Variants in SERAC1 observed in about 807,000 individuals in gnomAD.
SERAC1 encodes the protein protein SERAC1.
Under a neutral mutation model 85.7 loss-of-function variants are expected in SERAC1, and 36 were observed. The ratio of observed to expected loss-of-function variants is 0.42; its 90% CI spans 0.32 to 0.55. The LOEUF is 0.55. SERAC1 is among the 20% of genes least tolerant of loss of function. The pLI is 0.11. For synonymous variants in SERAC1, 242 were observed against 265.3 expected (o/e 0.91, Z 0.85); for missense variants, 629 against 796.2 (o/e 0.79, Z 2.53).
At chr6:158,123,270 A>G (rs1784461704) in intron 10 of SERAC1, among the ~76,000 whole-genome samples, 5 of 152,220 alleles carry the variant, frequency 3.3e-5, no homozygotes, top group Admixed American at 3.3e-4. Context: ...CAGAGGGTCC[A>G]GCTATGAGGC....
chr6:158,143,047 T>C lies in SERAC1; in HGVS notation c.738+9A>G, dbSNP rs750046601. 2.5e-6 allele frequency: 4 copies of C among 1,602,536 alleles called. No individual in the cohort carries two copies. Among genetic ancestry groups the C allele is most frequent in the Admixed American group, 1.7e-5 (1 of 58,036 alleles). The stretch of plus-strand genomic sequence containing the variant: ...CAAAAATATTTACTGAATGAATACA[T>C]GAACTAACCTTCTGAGCAGCTAGAC... On this transcript the variant is annotated intron_variant, in intron 8 of 16. Transcript: ENST00000647468.
At chr6:158,124,199 G>A (rs1784484229) in intron 10 of SERAC1, among the ~76,000 whole-genome samples, 1 of 151,956 alleles carries the variant, frequency 6.6e-6, no homozygotes, top group African/African-American at 2.4e-5. Context: ...GTCCTGCTTT[G>A]AATCCCTTAG....
intron 15 of SERAC1, among the ~76,000 whole-genome samples, chr6:158,113,917 C>T (rs576042843): frequency 5.6e-4 from 86 of 152,224 alleles, no homozygotes; most frequent in Admixed American, 1.8e-3. Context: ...CAAAGCCCAG[C>T]CTCCCACCAA....
chr6:158,162,740 G>A (rs1397024643), intron 1 of SERAC1, among the ~76,000 whole-genome samples: 3 of 152,056 alleles, frequency 2.0e-5, no homozygotes, highest in Non-Finnish European at 4.4e-5. Context: ...TCCATCCACT[G>A]AGTATTTCAA....
rs1257570804 is a variant in SERAC1, at chr6:158,120,068, T to C, written c.1166+357A>G. Among the ~76,000 whole-genome samples, 2 of 152,192 alleles carry C rather than the reference T, an allele frequency of 1.3e-5. No homozygotes were observed. Among genetic ancestry groups the C allele is most frequent in the Non-Finnish European group, 2.9e-5 (2 of 68,040 alleles). ...AAGACAATGTCTTATCTCCTTCCTA[T>C]TCAGCTGACTTCTACAATCCAAATC... On this transcript the variant is annotated intron_variant, in intron 11 of 16. Coordinates refer to ENST00000647468, the MANE Select transcript of SERAC1 (RefSeq NM_032861.4). This position sits in a 1 kb window ranked among gnomAD's most constrained non-coding sequence, Gnocchi z 4.4.
intron 8 of SERAC1, among the ~76,000 whole-genome samples, chr6:158,134,398 A>G (rs929954817): frequency 2.0e-5 from 3 of 152,198 alleles, no homozygotes; most frequent in Non-Finnish European, 4.4e-5. Context: ...AGAACAGGGA[A>G]AGTCTAAGAT....
rs1406084268 is a variant in SERAC1 at position 158,120,517 on chromosome 6, G to A, written c.1074C>T (p.His358=). 6.8e-6 allele frequency: 11 copies of A among 1,613,990 alleles called. No homozygotes were observed. Among genetic ancestry groups the A allele is most frequent in the Admixed American group, 1.7e-5 (1 of 59,984 alleles). ...CTAGATTTGCCAGGATTCTGGCAGC[G>A]TGTGAGGACTCCATAATGTGGGGAG... ...MKSPHIMESS[H]AARILANLDR... The change falls in exon 11 of 17, where the codon CAC becomes CAT. Residue 358 remains histidine (H), a synonymous_variant. Coordinates refer to ENST00000647468, the MANE Select transcript of SERAC1 (RefSeq NM_032861.4). The surrounding 1 kb of genome is among the most constrained non-coding windows in gnomAD (Gnocchi z 4.4).
At chr6:158,162,531 T>C (rs1210486800) in intron 1 of SERAC1, among the ~76,000 whole-genome samples, 1 of 152,250 alleles carries the variant, frequency 6.6e-6, no homozygotes, top group Non-Finnish European at 1.5e-5. Flanking sequence ...TGCAATATTC[T>C]TAACAATTAC....
chr6:158,143,314 T>C lies in SERAC1; in HGVS notation c.610-130A>G, dbSNP rs1377000194. The C allele has an allele frequency of 1.3e-5, 4 of 296,574 alleles. No individual in the cohort carries two copies. The South Asian group carries it at 1.6e-4, about 12-fold the overall frequency. The allele number at this position is 296,574 out of a possible 1,614,324, so 18.4% of individuals were successfully genotyped here. On this transcript the variant is annotated intron_variant, in intron 7 of 16. Transcript: ENST00000647468. ...TATATTATGTGTGCATGTCTCTCTC[T>C]CTCTCTCTCTCTCTCTCTCTCTCTC...
chr6:158,115,092 T>C, intron 14 of SERAC1, 121 bp from the exon 15 acceptor site: 1 of 1,078,820 alleles, frequency 9.3e-7, no homozygotes, highest in Non-Finnish European at 1.3e-6. Context: ...TTAAAAAAAA[T>C]GGTTTAAACA....
chr6:158,160,304 G>A lies in SERAC1; in HGVS notation c.-1-1940C>T, dbSNP rs79216170. 5.6e-3 allele frequency among the ~76,000 whole-genome samples: 849 copies of A among 151,918 alleles called. 10 individuals carry two copies. The highest frequency in any genetic ancestry group is 0.019 in the African/African-American group (807 of 41,416). On this transcript the variant is annotated intron_variant, in intron 1 of 16. Coordinates refer to ENST00000647468, the MANE Select transcript of SERAC1 (RefSeq NM_032861.4). Reference sequence around the variant, plus strand: ...ATGCTAGCAATTTAACAATGAAAAAGAAAAATCTGCCCTTGCTTTCATGGA... The same window carrying A: ...ATGCTAGCAATTTAACAATGAAAAAAAAAAATCTGCCCTTGCTTTCATGGA...
intron 2 of SERAC1, among the ~76,000 whole-genome samples, chr6:158,155,717 T>G (rs984213693): frequency 6.6e-6 from 1 of 152,092 alleles, no homozygotes; most frequent in Non-Finnish European, 1.5e-5. Flanking sequence ...AAGAAAGAAA[T>G]GGGAAGCATT....
rs766636665 is a variant in SERAC1, at chr6:158,113,563, C to G, written c.1714G>C (p.Asp572His). The G allele has an allele frequency of 1.2e-6, 2 of 1,613,758 alleles. No homozygotes were observed. Among genetic ancestry groups the G allele is most frequent in the Non-Finnish European group, 1.7e-6 (2 of 1,179,836 alleles). The part of the protein sequence containing the change: ...DSPALKTLQD[D>H]FLEFAKDKNF... ...TTGTCTTTAGCAAACTCCAGAAAGTCATCTTGTAGTGTTTTAAGTGCAGGA... is the reference window on the plus strand; with the variant it reads ...TTGTCTTTAGCAAACTCCAGAAAGTGATCTTGTAGTGTTTTAAGTGCAGGA... The change falls in exon 16 of 17, where the codon GAC becomes CAC. Residue 572 changes from aspartate to histidine, a missense_variant. Asp to His is a moderately conservative substitution (Grantham distance 81, BLOSUM62 -1). Coordinates refer to ENST00000647468, the MANE Select transcript of SERAC1 (RefSeq NM_032861.4).
At chr6:158,158,539 G>T (rs1785412319) in intron 1 of SERAC1, 175 bp from the exon 2 acceptor site, 3 of 495,402 alleles carry the variant, frequency 6.1e-6, no homozygotes, top group Admixed American at 3.6e-5. Flanking sequence ...ACTTAAAAGG[G>T]ACTTATTAGA....
At chr6:158,150,423 T>C in intron 4 of SERAC1, 30 bp downstream of exon 4, 5 of 1,515,760 alleles carry the variant, frequency 3.3e-6, no homozygotes, top group Non-Finnish European at 4.5e-6. Flanking sequence ...CTTCCATTTT[T>C]CACAGAGGAT....
intron 8 of SERAC1, among the ~76,000 whole-genome samples, chr6:158,132,465 T>G (rs1194768552): frequency 6.6e-6 from 1 of 152,192 alleles, no homozygotes; most frequent in African/African-American, 2.4e-5. Context: ...AATAGTGGAT[T>G]GGTAAGCTTT....
chr6:158,126,146 A>G (rs1784535280), intron 10 of SERAC1, among the ~76,000 whole-genome samples: 1 of 152,162 alleles, frequency 6.6e-6, no homozygotes, highest in Admixed American at 6.6e-5. Context: ...ATATGTGTGT[A>G]TGTATTATCC....
At chr6:158,158,389 A>C in intron 1 of SERAC1, 25 bp from the exon 2 acceptor site, 2 of 1,550,922 alleles carry the variant, frequency 1.3e-6, no homozygotes, top group Non-Finnish European at 1.8e-6. Context: ...CAATTACAAC[A>C]AATTTAATTT....
At chr6:158,122,550 G>A (rs1439168369) in intron 10 of SERAC1, among the ~76,000 whole-genome samples, 1 of 152,180 alleles carries the variant, frequency 6.6e-6, no homozygotes, top group Non-Finnish European at 1.5e-5. Context: ...GGGAGGCTGA[G>A]GCAGGCAGAT....
Sources: gnomAD v4.1 joint callset for allele counts (sites outside exome capture counted in the v4.1 genomes callset) on GRCh38, gnomAD v4.1.1 for gene constraint, Gnocchi (gnomAD v3.1) non-coding constraint, MANE v1.5 for transcripts, NCBI Gene and HGNC (gene_info 2026-07-23, HGNC 2026-07-21) for gene names.